MEGF11: variants seen among roughly 807,000 people sequenced by gnomAD.
MEGF11 encodes the protein multiple EGF like domains 11.
Under a neutral mutation model 146.6 loss-of-function variants are expected in MEGF11, and 126 were observed. The ratio of observed to expected loss-of-function variants is 0.86; its 90% CI spans 0.74 to 1.00. The LOEUF (loss-of-function observed/expected upper bound fraction) is 1.00. Among genes scored for constraint, MEGF11 ranks in the 50% least tolerant of loss-of-function variants. MEGF11 has a pLI of 0.00. For missense variants in MEGF11, 1,509 were observed against 1,521.2 expected, an observed-to-expected ratio of 0.99 and a Z score of 0.13; for synonymous variants, 532 against 583.4, an observed-to-expected ratio of 0.91 and a Z score of 1.27.
chr15:66,218,978 G>GAAAAAAAAAAA (rs1288273977), intron 1 of MEGF11, among the ~76,000 whole-genome samples: 1 of 22,596 alleles, frequency 4.4e-5, no homozygotes. Flanking sequence ...ATATCCACAG[G>GAAAAAAAAAAA]CAAAAAAAAA....
At chr15:66,102,417 C>T (rs2086858955) in intron 4 of MEGF11, among the ~76,000 whole-genome samples, 1 of 147,662 alleles carries the variant, frequency 6.8e-6, no homozygotes, top group Non-Finnish European at 1.5e-5. Context: ...TTCTCTCTAA[C>T]CATTTTAAAC....
intron 1 of MEGF11, among the ~76,000 whole-genome samples, chr15:66,242,470 AGAGAGAGGGAGGGAGG>A (rs2092229388): frequency 7.8e-6 from 1 of 128,680 alleles, no homozygotes; most frequent in Non-Finnish European, 1.6e-5. Context: ...ATGGAAAGAA[AGAGAGAGGGAGGGAGG>A]GAGATAGGGA....
At position 65,897,303 on chromosome 15, in the gene MEGF11, C is replaced by T. The variant is rs143235196; in HGVS notation, c.*631G>A. On this transcript the variant is annotated 3_prime_UTR_variant, in exon 26 of 26. Transcript: ENST00000395614. The stretch of plus-strand genomic sequence containing the variant: ...TGTGTCTCTGTGTGTTTAAACCTAT[C>T]ACTTAGGGGGCAGAAGAAAGTAAAG... 1 of 152,314 alleles carries T rather than the reference C, an allele frequency of 6.6e-6. No homozygotes were observed. Among genetic ancestry groups the T allele is most frequent in the Non-Finnish European group, 1.5e-5 (1 of 68,024 alleles). The allele number at this position is 152,314 out of a possible 1,614,324, so 9.4% of individuals were successfully genotyped here.
intron 5 of MEGF11, among the ~76,000 whole-genome samples, chr15:66,030,741 C>G (rs1322072985): frequency 6.6e-6 from 1 of 152,074 alleles, no homozygotes; most frequent in Non-Finnish European, 1.5e-5. Flanking sequence ...GCTTTGGAGC[C>G]CCTGCAGTGT....
Position 65,930,863 on chromosome 15 carries a change from G to A in MEGF11, c.1368C>T (p.Gly456=). ...CSSICSCNNG[G]TCSPVDGSCT... The stretch of plus-strand genomic sequence containing the variant: ...AGGAGCCATCTACTGGGGAGCAGGT[G>A]CCACCATTGTTACAGCTACAGATGG... Residue 456 remains glycine, a synonymous_variant, in exon 11 of 26, where the codon GGC becomes GGT. Transcript: ENST00000395614. The A allele has an allele frequency of 1.2e-6, 2 of 1,611,618 alleles. No individual in the cohort carries two copies. Among genetic ancestry groups the A allele is most frequent in the Non-Finnish European group, 1.7e-6 (2 of 1,178,784 alleles).
At chr15:66,056,678 C>A (rs1399212160) in intron 5 of MEGF11, among the ~76,000 whole-genome samples, 2 of 152,184 alleles carry the variant, frequency 1.3e-5, no homozygotes, top group Non-Finnish European at 2.9e-5. Flanking sequence ...AACAATGAGA[C>A]CTCACCTACC....
intron 15 of MEGF11, among the ~76,000 whole-genome samples, chr15:65,919,546 AAATG>A (rs34397745): frequency 0.062 from 9,369 of 152,314 alleles, 419 homozygotes; most frequent in Non-Finnish European, 0.093. Context: ...TGCAAAAAAA[AAATG>A]CTGACACAGA....
intron 1 of MEGF11, among the ~76,000 whole-genome samples, chr15:66,249,895 G>A (rs1406614835): frequency 6.6e-6 from 1 of 152,204 alleles, no homozygotes; most frequent in Non-Finnish European, 1.5e-5. Flanking sequence ...AGGAAGAAAT[G>A]CTTTACTAGG....
chr15:65,950,949 T>G (rs2080382298), intron 10 of MEGF11, among the ~76,000 whole-genome samples: 1 of 152,234 alleles, frequency 6.6e-6, no homozygotes, highest in African/African-American at 2.4e-5. Context: ...ACTGTAAAGC[T>G]CAGGAATGTT....
chr15:66,234,639 A>G (rs7164601), intron 1 of MEGF11, among the ~76,000 whole-genome samples: 69,852 of 152,020 alleles, frequency 0.46, 17,003 homozygotes, highest in East Asian at 0.68. Flanking sequence ...AAGGATCCCA[A>G]TCGGGTCCCT....
intron 1 of MEGF11, among the ~76,000 whole-genome samples, chr15:66,146,037 A>G (rs1440348453): frequency 1.3e-5 from 2 of 152,180 alleles, no homozygotes; most frequent in African/African-American, 4.8e-5. Context: ...ACAGCCACCC[A>G]GAAAAGCCCC....
chr15:65,909,650 A>G, intron 22 of MEGF11, 90 bp downstream of exon 22: 1 of 1,306,844 alleles, frequency 7.7e-7, no homozygotes, highest in Non-Finnish European at 1.1e-6. Flanking sequence ...AGAACTCATA[A>G]CCCTGTCCCT....
chr15:66,057,977 G>A (rs2084747486), intron 5 of MEGF11, among the ~76,000 whole-genome samples: 1 of 152,236 alleles, frequency 6.6e-6, no homozygotes, highest in African/African-American at 2.4e-5. Context: ...ACTATTAATT[G>A]CCACACAAAA....
At chr15:66,061,101 G>T (rs1239637013) in intron 5 of MEGF11, among the ~76,000 whole-genome samples, 1 of 152,194 alleles carries the variant, frequency 6.6e-6, no homozygotes, top group Non-Finnish European at 1.5e-5. Context: ...CCTCAGGAAG[G>T]ATTAAAACAA....
intron 5 of MEGF11, among the ~76,000 whole-genome samples, chr15:66,022,289 CAA>C (rs936460095): frequency 6.6e-6 from 1 of 152,270 alleles, no homozygotes; most frequent in South Asian, 2.1e-4. Context: ...ACATTTCCTG[CAA>C]AAAAGTGCCC....
At chr15:66,108,754 A>G (rs995109257) in intron 4 of MEGF11, among the ~76,000 whole-genome samples, 1 of 152,194 alleles carries the variant, frequency 6.6e-6, no homozygotes, top group East Asian at 1.9e-4. Context: ...TTGCAGCATC[A>G]AGCAGCTAAC....
At chr15:66,127,368 T>C (rs2088406376) in intron 2 of MEGF11, among the ~76,000 whole-genome samples, 1 of 152,184 alleles carries the variant, frequency 6.6e-6, no homozygotes, top group Non-Finnish European at 1.5e-5. Context: ...TCCCAGCTGA[T>C]CCTTCCTGAC....
chr15:65,926,870 G>A (rs1385261844), intron 13 of MEGF11, among the ~76,000 whole-genome samples: 4 of 152,222 alleles, frequency 2.6e-5, no homozygotes, highest in Admixed American at 2.6e-4. Flanking sequence ...TGAGATTCTA[G>A]GGTGCCAGTG....
intron 1 of MEGF11, among the ~76,000 whole-genome samples, chr15:66,209,916 C>T (rs914216088): frequency 2.0e-5 from 3 of 151,880 alleles, no homozygotes; most frequent in African/African-American, 7.3e-5. Context: ...ATCTCCTGGG[C>T]TCAAGTGATC....
Sources: allele counts gnomAD v4.1 joint callset (sites outside exome capture counted in the v4.1 genomes callset), GRCh38; gene constraint gnomAD v4.1.1; transcripts MANE v1.5; gene names NCBI Gene and HGNC (gene_info 2026-07-23, HGNC 2026-07-21).